The following CALN1 variants were observed in gnomAD, a reference collection of about 807,000 sequenced individuals.
CALN1 encodes the protein calneuron 1, also known as calcium-binding protein 8.
CALN1 carries 17 observed loss-of-function variants against 30.6 expected under a neutral mutation model. That is an observed-to-expected ratio of 0.56 (90% CI 0.38 to 0.83). The LOEUF (loss-of-function observed/expected upper bound fraction) is 0.83. Ranked by LOEUF, CALN1 falls within the 40% of genes least tolerant of loss-of-function variation. The pLI is 0.00. For missense variants in CALN1, 291 were observed against 354.9 expected (o/e 0.82, Z 1.45); for synonymous variants, 156 against 131.4 (o/e 1.19, Z -1.28).
At chr7:72,243,970 A>G (rs1795003077) in intron 3 of CALN1, among the ~76,000 whole-genome samples, 2 of 152,174 alleles carry the variant, frequency 1.3e-5, no homozygotes, top group Non-Finnish European at 2.9e-5. Context: ...TCTACCGTAC[A>G]ATGGTCTTTC....
the CALN1 span, among the ~76,000 whole-genome samples, chr7:72,461,775 A>G: frequency 6.6e-6 from 1 of 152,210 alleles, no homozygotes; most frequent in African/African-American, 2.4e-5. Flanking sequence ...TGGGAGGCCG[A>G]GGTGGGTGGA....
At chr7:72,233,192 G>C (rs937222345) in intron 3 of CALN1, among the ~76,000 whole-genome samples, 1 of 139,544 alleles carries the variant, frequency 7.2e-6, no homozygotes, top group African/African-American at 2.7e-5. Context: ...TCTGTAAAAA[G>C]GAAAAAAAAA....
At chr7:72,074,126 C>G (rs1420975905) in intron 4 of CALN1, among the ~76,000 whole-genome samples, 1 of 152,142 alleles carries the variant, frequency 6.6e-6, no homozygotes, top group African/African-American at 2.4e-5. Context: ...AAAACATGAA[C>G]AAAACTACTG....
chr7:72,487,941 GGAAGGAAGGAAGGAAAGGAAGGAA>G, the CALN1 span, among the ~76,000 whole-genome samples: 1 of 70,494 alleles, frequency 1.4e-5, no homozygotes, highest in Non-Finnish European at 2.9e-5. Flanking sequence ...AAGGAAGGAA[GGAAGGAAGGAAGGAAAGGAAGGAA>G]GGAAGGAAGG....
intron 2 of CALN1, among the ~76,000 whole-genome samples, chr7:72,382,362 G>A (rs1320553736): frequency 3.9e-5 from 6 of 152,186 alleles, no homozygotes; most frequent in African/African-American, 1.4e-4. Context: ...CACAGACATG[G>A]GAGAAACACC....
chr7:72,349,763 C>CT (rs1231400730), intron 2 of CALN1, among the ~76,000 whole-genome samples: 1 of 152,090 alleles, frequency 6.6e-6, no homozygotes, highest in Non-Finnish European at 1.5e-5. Context: ...TGTTTGTGTC[C>CT]TTTGCCCACT....
chr7:72,302,893 CAAAAAAAAAAAAA>C (rs71069055), intron 2 of CALN1, among the ~76,000 whole-genome samples: 2 of 48,750 alleles, frequency 4.1e-5, no homozygotes, highest in African/African-American at 1.5e-4. Context: ...GTGAGGGTCT[CAAAAAAAAAAAAA>C]AAAAAAAAAA....
chr7:72,196,843 CCA>C (rs1411531693), intron 3 of CALN1, among the ~76,000 whole-genome samples: 1 of 152,132 alleles, frequency 6.6e-6, no homozygotes, highest in Non-Finnish European at 1.5e-5. Context: ...GCCCAGCAGC[CCA>C]CAGTTAGTAT....
At chr7:71,965,915 G>A (rs529986568) in intron 5 of CALN1, among the ~76,000 whole-genome samples, 4 of 151,898 alleles carry the variant, frequency 2.6e-5, no homozygotes, top group East Asian at 1.9e-4. Flanking sequence ...GGACAGTAGC[G>A]GTGCTTCTTA....
intron 5 of CALN1, chr7:71,942,231 G>T: frequency 5.4e-6 from 1 of 186,386 alleles, no homozygotes; most frequent in South Asian, 9.3e-5. Context: ...ACAGTCAACT[G>T]ACTCTGCCAG....
intron 3 of CALN1, among the ~76,000 whole-genome samples, chr7:72,239,913 A>G (rs117185122): frequency 0.024 from 3,609 of 152,288 alleles, 72 homozygotes; most frequent in Non-Finnish European, 0.036. Context: ...ATTGCATGCC[A>G]GCAGAGACAA....
chr7:72,399,269 G>GTT (rs1562948370), intron 2 of CALN1, among the ~76,000 whole-genome samples: 6 of 84,878 alleles, frequency 7.1e-5, no homozygotes, highest in Non-Finnish European at 1.1e-4. Context: ...CTAACCTATT[G>GTT]CTTTTTTTTT....
intron 2 of CALN1, among the ~76,000 whole-genome samples, chr7:72,395,074 CAT>C (rs1231064945): frequency 2.0e-5 from 3 of 152,274 alleles, no homozygotes; most frequent in South Asian, 2.1e-4. Flanking sequence ...TATCCTAACA[CAT>C]AAACTCTATG....
At chr7:72,397,980 T>C (rs1233675401) in intron 2 of CALN1, among the ~76,000 whole-genome samples, 2 of 152,148 alleles carry the variant, frequency 1.3e-5, no homozygotes, top group Non-Finnish European at 2.9e-5. Context: ...ATGCATCCTT[T>C]TAGGGCCGAT....
chr7:72,332,215 T>C (rs572896198), intron 2 of CALN1, among the ~76,000 whole-genome samples: 54 of 152,312 alleles, frequency 3.5e-4, no homozygotes, highest in African/African-American at 1.3e-3. Context: ...AGCAGGGCTA[T>C]TCCCTAGGCA....
chr7:72,262,351 GTTTCTTT>G (rs1428099421), intron 3 of CALN1, among the ~76,000 whole-genome samples: 3 of 152,012 alleles, frequency 2.0e-5, no homozygotes, highest in African/African-American at 4.8e-5. Flanking sequence ...GATCTTTTTT[GTTTCTTT>G]TTTCTTTTTA....
intron 2 of CALN1, among the ~76,000 whole-genome samples, chr7:72,325,036 T>C (rs966659088): frequency 1.3e-5 from 2 of 152,070 alleles, no homozygotes; most frequent in Non-Finnish European, 2.9e-5. Context: ...CACTGGCTCC[T>C]ACCTCTAATC....
At chr7:71,955,477 A>C (rs1796912740) in intron 5 of CALN1, among the ~76,000 whole-genome samples, 1 of 151,944 alleles carries the variant, frequency 6.6e-6, no homozygotes, top group African/African-American at 2.4e-5. Flanking sequence ...TATGACCCCT[A>C]CTCCCTAAGT....
At chr7:72,448,106 A>C (rs1489404508), upstream of CALN1, among the ~76,000 whole-genome samples, 3 of 152,044 alleles carry the variant, frequency 2.0e-5, no homozygotes, top group African/African-American at 7.3e-5. Flanking sequence ...ACCCAGGTAC[A>C]CACATGTCTG....
Sources: gnomAD v4.1 joint callset for allele counts (sites outside exome capture counted in the v4.1 genomes callset) on GRCh38, gnomAD v4.1.1 for gene constraint, MANE v1.5 for transcripts, NCBI Gene and HGNC (gene_info 2026-07-23, HGNC 2026-07-21) for gene names.